Variants in ATRNL1 observed in about 807,000 individuals in gnomAD.
ATRNL1 encodes the protein attractin like 1, also known as attractin-like protein 1.
Under a neutral mutation model 182.7 loss-of-function variants are expected in ATRNL1, and 95 were observed. The ratio of observed to expected loss-of-function variants is 0.52; its 90% CI spans 0.44 to 0.62. ATRNL1 has a LOEUF of 0.62. Among genes scored for constraint, ATRNL1 ranks in the 20% least tolerant of loss-of-function variants. The probability of loss-of-function intolerance (pLI) is 0.00; values close to 1 mark genes in which losing one functional copy is unlikely to be tolerated. For missense variants in ATRNL1, 1,471 were observed against 1,679.5 expected (o/e 0.88, Z 2.17); for synonymous variants, 576 against 568.3 (o/e 1.01, Z -0.19).
intron 26 of ATRNL1, among the ~76,000 whole-genome samples, chr10:115,564,556 C>T (rs1327171133): frequency 4.6e-5 from 7 of 151,760 alleles, no homozygotes; most frequent in Admixed American, 4.6e-4. Context: ...GTCATCTCCT[C>T]TTTATTGGAA....
At chr10:115,167,134 C>T (rs560604405) in intron 7 of ATRNL1, among the ~76,000 whole-genome samples, 56 of 151,832 alleles carry the variant, frequency 3.7e-4, no homozygotes, top group African/African-American at 1.3e-3. Context: ...TCCCCAACAT[C>T]GTTTGTTAAA....
At chr10:115,719,127 A>G (rs1474561220) in intron 26 of ATRNL1, among the ~76,000 whole-genome samples, 2 of 152,250 alleles carry the variant, frequency 1.3e-5, no homozygotes, top group Non-Finnish European at 2.9e-5. Context: ...AATTTTTCCT[A>G]GAATTTTAGT....
At chr10:115,491,503 G>A (rs1849299203) in intron 24 of ATRNL1, among the ~76,000 whole-genome samples, 1 of 152,034 alleles carries the variant, frequency 6.6e-6, no homozygotes, top group Non-Finnish European at 1.5e-5. Context: ...AGCTGCAGTG[G>A]GCTCAGCTCT....
intron 9 of ATRNL1, among the ~76,000 whole-genome samples, chr10:115,230,687 G>C (rs1387508040): frequency 6.6e-6 from 1 of 152,054 alleles, no homozygotes; most frequent in Non-Finnish European, 1.5e-5. Context: ...TTGTAATTAC[G>C]ATGCAAGAGC....
intron 26 of ATRNL1, among the ~76,000 whole-genome samples, chr10:115,582,017 A>C (rs1217594870): frequency 6.6e-6 from 1 of 150,894 alleles, no homozygotes; most frequent in Non-Finnish European, 1.5e-5. Flanking sequence ...TTCTTGCGAT[A>C]GTTTACTGAG....
At chr10:115,714,943 A>G (rs1315055177) in intron 26 of ATRNL1, among the ~76,000 whole-genome samples, 2 of 152,206 alleles carry the variant, frequency 1.3e-5, no homozygotes, top group Non-Finnish European at 2.9e-5. Flanking sequence ...TAGCAGGAAT[A>G]TATCATAAGC....
At chr10:115,444,665 A>G (rs551905221) in intron 21 of ATRNL1, among the ~76,000 whole-genome samples, 1 of 150,808 alleles carries the variant, frequency 6.6e-6, no homozygotes, top group South Asian at 2.1e-4. Flanking sequence ...CAAAACTGAT[A>G]TGTAGATTAT....
At chr10:115,901,393 T>A (rs561892677) in intron 28 of ATRNL1, among the ~76,000 whole-genome samples, 3 of 152,292 alleles carry the variant, frequency 2.0e-5, no homozygotes, top group Non-Finnish European at 4.4e-5. Flanking sequence ...TAGTACATAT[T>A]TGAGTGAAAA....
intron 21 of ATRNL1, among the ~76,000 whole-genome samples, chr10:115,427,122 C>A (rs1158038135): frequency 6.6e-6 from 1 of 152,168 alleles, no homozygotes; most frequent in Non-Finnish European, 1.5e-5. Flanking sequence ...AGTTCTTCCA[C>A]ATTTCAGAAA....
At chr10:115,362,396 T>G (rs1432085082) in intron 19 of ATRNL1, among the ~76,000 whole-genome samples, 1 of 152,078 alleles carries the variant, frequency 6.6e-6, no homozygotes, top group African/African-American at 2.4e-5. Flanking sequence ...CATGTTTGGT[T>G]TATGAGGATA....
intron 5 of ATRNL1, among the ~76,000 whole-genome samples, chr10:115,135,593 G>T (rs1245402914): frequency 1.3e-5 from 2 of 152,170 alleles, no homozygotes; most frequent in African/African-American, 4.8e-5. Context: ...TCAATATTGT[G>T]AAAATGGCCA....
intron 27 of ATRNL1, among the ~76,000 whole-genome samples, chr10:115,732,345 C>T (rs1345460983): frequency 1.3e-5 from 2 of 152,130 alleles, no homozygotes; most frequent in African/African-American, 4.8e-5. Flanking sequence ...TTTATCTATT[C>T]TTATGACAGT....
rs112263672 is a variant in ATRNL1 at position 115,875,750 on chromosome 10, T to C, written c.4018+27759T>C. ...AGCCCTTATAGAGCTTATAGTCTGG[T>C]GTGGGAGATAGTCATCAAACAAATA... On this transcript the variant is annotated intron_variant, in intron 28 of 28. Coordinates refer to ENST00000355044, the MANE Select transcript of ATRNL1 (RefSeq NM_207303.4). 5.2e-3 allele frequency among the ~76,000 whole-genome samples: 799 copies of C among 152,230 alleles called. 7 individuals are homozygous for C. Among genetic ancestry groups the C allele is most frequent in the African/African-American group, 0.018 (750 of 41,546 alleles).
intron 26 of ATRNL1, among the ~76,000 whole-genome samples, chr10:115,653,753 G>T (rs1332387109): frequency 6.6e-6 from 1 of 152,086 alleles, no homozygotes; most frequent in Non-Finnish European, 1.5e-5. Context: ...TAAGCTCCTT[G>T]TTTGCAAATA....
chr10:115,618,647 A>T (rs942357783), intron 26 of ATRNL1, among the ~76,000 whole-genome samples: 11 of 151,700 alleles, frequency 7.3e-5, no homozygotes, highest in Admixed American at 7.2e-4. Flanking sequence ...TATTTTGTTC[A>T]TTAAATTCTT....
chr10:115,399,040 T>A (rs1008364289), intron 20 of ATRNL1, among the ~76,000 whole-genome samples: 1 of 152,142 alleles, frequency 6.6e-6, no homozygotes, highest in African/African-American at 2.4e-5. Context: ...CAACCTTGCA[T>A]CCCAGGGATA....
intron 26 of ATRNL1, among the ~76,000 whole-genome samples, chr10:115,648,514 A>C (rs552264764): frequency 1.3e-5 from 2 of 152,324 alleles, no homozygotes; most frequent in African/African-American, 4.8e-5. Context: ...CTAAGCCAAA[A>C]GAACAAAGCT....
At chr10:115,797,332 C>G (rs927667648) in intron 27 of ATRNL1, among the ~76,000 whole-genome samples, 1 of 152,118 alleles carries the variant, frequency 6.6e-6, no homozygotes, top group Admixed American at 6.5e-5. Context: ...TCCGTGGTCT[C>G]TCTCCTGGCC....
At chr10:115,355,490 A>G (rs1554942572) in intron 19 of ATRNL1, among the ~76,000 whole-genome samples, 2 of 152,156 alleles carry the variant, frequency 1.3e-5, no homozygotes, top group African/African-American at 4.8e-5. Context: ...TTCCAGAAGC[A>G]TAAGGAGCCC....
Sources: gnomAD v4.1 joint callset for allele counts (sites outside exome capture counted in the v4.1 genomes callset) on GRCh38, gnomAD v4.1.1 for gene constraint, MANE v1.5 for transcripts, NCBI Gene and HGNC (gene_info 2026-07-23, HGNC 2026-07-21) for gene names.